Variants in NELL1 observed in about 807,000 individuals in gnomAD.
NELL1 encodes the protein neural EGFL like 1, also known as protein kinase C-binding protein NELL1.
A neutral mutation model predicts 107.4 loss-of-function variants in NELL1; 76 were observed. The observed-to-expected ratio is 0.71, with a 90% CI of 0.59 to 0.86. The LOEUF (loss-of-function observed/expected upper bound fraction) is 0.86, where lower values mean the gene tolerates loss of function less well. Ranked by LOEUF, NELL1 falls within the 40% of genes least tolerant of loss-of-function variation. The pLI is 0.00. For missense variants in NELL1, 1,024 were observed against 1,005.5 expected (o/e 1.02, Z -0.25); for synonymous variants, 353 against 341.2 (o/e 1.03, Z -0.38).
At chr11:20,699,936 A>G (rs1412969582) in intron 2 of NELL1, among the ~76,000 whole-genome samples, 1 of 152,174 alleles carries the variant, frequency 6.6e-6, no homozygotes, top group African/African-American at 2.4e-5. Context: ...CATCCATGCC[A>G]ACACCTATAA....
At chr11:20,921,604 G>A (rs1215107116) in intron 7 of NELL1, among the ~76,000 whole-genome samples, 1 of 152,136 alleles carries the variant, frequency 6.6e-6, no homozygotes, top group Admixed American at 6.6e-5. Flanking sequence ...ACTGGCAGGA[G>A]GATGGAGATA....
At chr11:20,735,247 G>A (rs1032983303) in intron 2 of NELL1, among the ~76,000 whole-genome samples, 1 of 152,056 alleles carries the variant, frequency 6.6e-6, no homozygotes, top group South Asian at 2.1e-4. Flanking sequence ...GGAAAGATGA[G>A]GATTTTATTA....
intron 14 of NELL1, among the ~76,000 whole-genome samples, chr11:21,256,070 G>T (rs1298719896): frequency 6.6e-6 from 1 of 151,860 alleles, no homozygotes; most frequent in East Asian, 1.9e-4. Context: ...ATTCTCTTAA[G>T]AACAGACCTA....
chr11:21,140,462 T>C (rs1855841414), intron 13 of NELL1, among the ~76,000 whole-genome samples: 1 of 152,212 alleles, frequency 6.6e-6, no homozygotes, highest in South Asian at 2.1e-4. Context: ...TAATAACTGC[T>C]TTTAAAATTG....
At chr11:20,790,574 C>T (rs1259940428) in intron 3 of NELL1, among the ~76,000 whole-genome samples, 2 of 152,162 alleles carry the variant, frequency 1.3e-5, no homozygotes, top group Non-Finnish European at 2.9e-5. Context: ...GGGCTCTTGC[C>T]TGCTTGGTGA....
At chr11:20,826,254 G>A (rs761299799) in intron 3 of NELL1, among the ~76,000 whole-genome samples, 4 of 151,226 alleles carry the variant, frequency 2.6e-5, no homozygotes, top group South Asian at 2.1e-4. Context: ...TTACAGGACC[G>A]AGAAACTAGG....
intron 13 of NELL1, among the ~76,000 whole-genome samples, chr11:21,222,476 G>A (rs567332910): frequency 4.8e-4 from 72 of 151,536 alleles, no homozygotes; most frequent in Middle Eastern, 3.4e-3. Flanking sequence ...GATTACAGGC[G>A]TGAGCCACCA....
intron 15 of NELL1, among the ~76,000 whole-genome samples, chr11:21,378,284 T>A (rs1348660508): frequency 1.6e-5 from 2 of 124,044 alleles, no homozygotes; most frequent in Non-Finnish European, 3.7e-5. Context: ...TATATATATA[T>A]ATTATAGATA....
At chr11:21,547,112 T>TAA (rs948941249) in intron 16 of NELL1, among the ~76,000 whole-genome samples, 11 of 151,140 alleles carry the variant, frequency 7.3e-5, no homozygotes, top group Non-Finnish European at 1.3e-4. Context: ...CAGTAAAACA[T>TAA]AAAAGACTCT....
intron 2 of NELL1, among the ~76,000 whole-genome samples, chr11:20,692,591 T>C (rs12786129): frequency 0.083 from 12,292 of 148,690 alleles, 677 homozygotes; most frequent in Non-Finnish European, 0.12. Context: ...TGTAGTTGAG[T>C]GGTTTTGAGT....
chr11:21,344,878 GA>G (rs5790177), intron 14 of NELL1, among the ~76,000 whole-genome samples: 145,477 of 151,464 alleles, frequency 0.96, 70,122 homozygotes, highest in South Asian at 1. Context: ...GCTTCTCCAG[GA>G]AAAAAAAAAA....
chr11:20,892,930 A>G (rs1849647857), intron 5 of NELL1, among the ~76,000 whole-genome samples: 1 of 30,324 alleles, frequency 3.3e-5, no homozygotes, highest in Non-Finnish European at 5.6e-5. Flanking sequence ...CTGTGTCTCA[A>G]AAAAAAAAAA....
intron 15 of NELL1, among the ~76,000 whole-genome samples, chr11:21,508,128 C>A (rs186738907): frequency 1.4e-4 from 22 of 152,144 alleles, no homozygotes; most frequent in African/African-American, 5.3e-4. Context: ...TAAACAAAAT[C>A]CTGGTAGCAC....
intron 14 of NELL1, among the ~76,000 whole-genome samples, chr11:21,244,782 A>C (rs879232071): frequency 1.3e-5 from 2 of 152,166 alleles, no homozygotes; most frequent in Admixed American, 1.3e-4. Flanking sequence ...CCTGCAAGCA[A>C]GGTGACTGAG....
chr11:21,559,320 T>C (rs1477555521), intron 16 of NELL1, among the ~76,000 whole-genome samples: 1 of 152,034 alleles, frequency 6.6e-6, no homozygotes, highest in Non-Finnish European at 1.5e-5. Context: ...AGGGAGACAT[T>C]TCCAAAAGAG....
chr11:21,068,013 A>G (rs1364166187), intron 12 of NELL1, among the ~76,000 whole-genome samples: 1 of 131,276 alleles, frequency 7.6e-6, no homozygotes, highest in Non-Finnish European at 1.6e-5. Flanking sequence ...AGCCTGGGCA[A>G]CAGAGTGAGA....
At chr11:21,085,611 G>A (rs1431055160) in intron 12 of NELL1, among the ~76,000 whole-genome samples, 1 of 152,060 alleles carries the variant, frequency 6.6e-6, no homozygotes, top group Non-Finnish European at 1.5e-5. Flanking sequence ...ACTGCAGCCT[G>A]GGTGAGACTT....
intron 14 of NELL1, among the ~76,000 whole-genome samples, chr11:21,321,294 T>C (rs1850003717): frequency 6.6e-6 from 1 of 152,018 alleles, no homozygotes; most frequent in Admixed American, 6.6e-5. Flanking sequence ...GCAGTAATCC[T>C]GCCAGGAAGA....
intron 15 of NELL1, among the ~76,000 whole-genome samples, chr11:21,476,426 A>C (rs913637618): frequency 6.6e-6 from 1 of 152,198 alleles, no homozygotes; most frequent in South Asian, 2.1e-4. Context: ...ACCAGAAAAT[A>C]GACTGGATGG....
Sources: gnomAD v4.1 joint callset for allele counts (sites outside exome capture counted in the v4.1 genomes callset) on GRCh38, gnomAD v4.1.1 for gene constraint, MANE v1.5 for transcripts, NCBI Gene and HGNC (gene_info 2026-07-23, HGNC 2026-07-21) for gene names.